LARGE1: variants seen among roughly 807,000 people sequenced by gnomAD.
LARGE1 encodes the protein xylosyl- and glucuronyltransferase LARGE1.
LARGE1 carries 43 observed loss-of-function variants against 87.6 expected under a neutral mutation model. The observed-to-expected ratio is 0.49, with a 90% CI of 0.38 to 0.63. The LOEUF (loss-of-function observed/expected upper bound fraction) is 0.63. LARGE1 is among the 30% of genes least tolerant of loss of function. The probability of loss-of-function intolerance (pLI) is 0.00; values close to 1 mark genes in which losing one functional copy is unlikely to be tolerated. For synonymous variants in LARGE1, 434 were observed against 394.6 expected (o/e 1.10, Z -1.18); for missense variants, 802 against 1,000.2 (o/e 0.80, Z 2.67).
intron 11 of LARGE1, among the ~76,000 whole-genome samples, chr22:33,207,307 G>C (rs936981748): frequency 6.6e-6 from 1 of 152,200 alleles, no homozygotes; most frequent in Non-Finnish European, 1.5e-5. Flanking sequence ...CAAGGATTAT[G>C]GGTAAGTGGC....
intron 1 of LARGE1, 148 bp from the exon 2 acceptor site, chr22:33,761,706 G>A (rs371007759): frequency 3.1e-5 from 18 of 586,408 alleles, no homozygotes; most frequent in South Asian, 1.0e-4. Context: ...TGATGCTGCC[G>A]TCTCGCAGTC....
chr22:33,684,233 T>G (rs2081875215), intron 2 of LARGE1, among the ~76,000 whole-genome samples: 1 of 152,262 alleles, frequency 6.6e-6, no homozygotes, highest in Middle Eastern at 3.4e-3. Context: ...CCCTTCTCTA[T>G]GTCATCCACT....
intron 7 of LARGE1, among the ~76,000 whole-genome samples, chr22:33,423,396 G>T (rs2066763450): frequency 6.6e-6 from 1 of 151,822 alleles, no homozygotes; most frequent in African/African-American, 2.4e-5. Context: ...TATAATTATG[G>T]CTGGGCACGG....
intron 11 of LARGE1, among the ~76,000 whole-genome samples, chr22:33,249,887 A>T (rs1034560755): frequency 5.3e-5 from 8 of 152,320 alleles, no homozygotes; most frequent in Admixed American, 5.2e-4. Context: ...ATTCTGTTCC[A>T]TTGATATAGT....
chr22:33,150,416 A>T, the LARGE1 span, among the ~76,000 whole-genome samples: 2 of 152,056 alleles, frequency 1.3e-5, no homozygotes, highest in African/African-American at 4.8e-5. Flanking sequence ...CAGGACCTAT[A>T]CTGAATCCCT....
chr22:33,236,842 C>T (rs548954433), intron 11 of LARGE1, among the ~76,000 whole-genome samples: 1 of 152,250 alleles, frequency 6.6e-6, no homozygotes, highest in East Asian at 1.9e-4. Flanking sequence ...GAATCTGTCC[C>T]AATCATGGGA....
chr22:33,254,935 ATTT>A (rs11363318), intron 11 of LARGE1, among the ~76,000 whole-genome samples: 3 of 128,242 alleles, frequency 2.3e-5, no homozygotes, highest in East Asian at 2.3e-4. Flanking sequence ...CTACCTGTAG[ATTT>A]TTTTTTTTTT....
intron 2 of LARGE1, among the ~76,000 whole-genome samples, chr22:33,700,631 A>G (rs1251211922): frequency 2.0e-5 from 3 of 152,116 alleles, no homozygotes; most frequent in African/African-American, 7.2e-5. Context: ...GTGCTCTCTT[A>G]TTGATGGAGA....
At chr22:33,067,248 T>A in the LARGE1 span, among the ~76,000 whole-genome samples, 1 of 152,082 alleles carries the variant, frequency 6.6e-6, no homozygotes, top group Non-Finnish European at 1.5e-5. Flanking sequence ...CTGCTTGGTC[T>A]ATAAAATGCT....
At chr22:33,563,548 A>G (rs1261915123) in intron 6 of LARGE1, among the ~76,000 whole-genome samples, 1 of 152,224 alleles carries the variant, frequency 6.6e-6, no homozygotes, top group Non-Finnish European at 1.5e-5. Context: ...GAGAAAAACA[A>G]ACAGACACGA....
intron 9 of LARGE1, among the ~76,000 whole-genome samples, chr22:33,370,951 A>G (rs910413166): frequency 4.0e-5 from 6 of 150,184 alleles, no homozygotes; most frequent in Non-Finnish European, 8.9e-5. Context: ...TATAACATTT[A>G]TCATTTTATA....
At chr22:33,693,968 T>G (rs1395657427) in intron 2 of LARGE1, among the ~76,000 whole-genome samples, 1 of 152,110 alleles carries the variant, frequency 6.6e-6, no homozygotes, top group Non-Finnish European at 1.5e-5. Context: ...CAGTGACCAT[T>G]TTACTCAGGG....
intron 6 of LARGE1, among the ~76,000 whole-genome samples, chr22:33,529,202 T>C (rs1219027437): frequency 1.3e-5 from 2 of 152,144 alleles, no homozygotes; most frequent in African/African-American, 4.8e-5. Flanking sequence ...GTAGAAATGG[T>C]GAGCCCTCTC....
At chr22:33,166,558 G>A (rs1040957921) in exon 12 of LARGE1, 1 of 349,010 alleles carries the variant, frequency 2.9e-6, no homozygotes, top group South Asian at 2.2e-5. Context: ...CTTTCCACAG[G>A]GATGTTCACC....
chr22:33,436,985 T>G (rs760542348), intron 6 of LARGE1, among the ~76,000 whole-genome samples: 11 of 152,044 alleles, frequency 7.2e-5, no homozygotes, highest in Non-Finnish European at 1.0e-4. Context: ...TATCTCTAAG[T>G]TGGTTCAATA....
intron 2 of LARGE1, chr22:33,744,343 C>G (rs2084000477): frequency 1.3e-5 from 2 of 152,206 alleles, no homozygotes; most frequent in South Asian, 4.1e-4. Flanking sequence ...GTGGAACAGA[C>G]AGGTTTCAAA....
chr22:33,849,661 C>A (rs1433130380), intron 1 of LARGE1, among the ~76,000 whole-genome samples: 1 of 129,564 alleles, frequency 7.7e-6, no homozygotes, highest in African/African-American at 3.1e-5. Context: ...TGCAGTGGTG[C>A]GATCTTGGCT....
At chr22:33,315,025 C>T (rs920057709) in intron 11 of LARGE1, among the ~76,000 whole-genome samples, 1 of 152,092 alleles carries the variant, frequency 6.6e-6, no homozygotes, top group Non-Finnish European at 1.5e-5. Flanking sequence ...CAGGCCAACA[C>T]GATGAAACTC....
intron 2 of LARGE1, among the ~76,000 whole-genome samples, chr22:33,669,381 T>G (rs977743721): frequency 1.3e-5 from 2 of 152,228 alleles, no homozygotes; most frequent in African/African-American, 4.8e-5. Context: ...CACCATGCTC[T>G]TCAATTTAGT....
Sources: gnomAD v4.1 joint callset for allele counts (sites outside exome capture counted in the v4.1 genomes callset) on GRCh38, gnomAD v4.1.1 for gene constraint, MANE v1.5 for transcripts, NCBI Gene and HGNC (gene_info 2026-07-23, HGNC 2026-07-21) for gene names.